The following XPA variants were observed in gnomAD, a reference collection of about 807,000 sequenced individuals.
XPA encodes the protein XPA, DNA damage recognition and repair factor.
A neutral mutation model predicts 35.7 loss-of-function variants in XPA; 27 were observed. The observed-to-expected ratio is 0.76, with a 90% CI of 0.56 to 1.04. XPA has a LOEUF of 1.04. Ranked by LOEUF, XPA falls within the 50% of genes least tolerant of loss-of-function variation. XPA has a pLI of 0.00. For synonymous variants in XPA, 133 were observed against 118.4 expected (o/e 1.12, Z -0.80); for missense variants, 354 against 342.7 (o/e 1.03, Z -0.26).
At chr9:97,665,583 A>C in the XPA span, among the ~76,000 whole-genome samples, 1 of 152,214 alleles carries the variant, frequency 6.6e-6, no homozygotes, top group Non-Finnish European at 1.5e-5. Context: ...CCCCCTCCAG[A>C]GTTAAAGTGC....
intron 5 of XPA, among the ~76,000 whole-genome samples, chr9:97,678,272 A>G (rs938176283): frequency 2.0e-5 from 3 of 152,100 alleles, no homozygotes; most frequent in African/African-American, 7.2e-5. Flanking sequence ...ATGGTGGCAT[A>G]TGCCTGTAAT....
Position 97,687,264 on chromosome 9 carries a change from G to GA in XPA, c.390-4dup. Reference sequence around the variant, plus strand: ...GCTTGTGTTTATCATCAGCATCTCTGAAAACAGATTAAGTCCATTATATAA... The same window carrying GA: ...GCTTGTGTTTATCATCAGCATCTCTGAAAAACAGATTAAGTCCATTATATAA... On this transcript the variant is annotated splice_region_variant and splice_polypyrimidine_tract_variant and intron_variant, in intron 3 of 5. Transcript: ENST00000375128. 1 of 1,601,972 alleles carries GA rather than the reference G, an allele frequency of 6.2e-7. No homozygotes were observed. The highest frequency in any genetic ancestry group is 8.5e-7 in the Non-Finnish European group (1 of 1,174,818).
At chr9:97,677,937 C>A (rs1002441172) in intron 5 of XPA, among the ~76,000 whole-genome samples, 8 of 151,936 alleles carry the variant, frequency 5.3e-5, no homozygotes, top group African/African-American at 1.9e-4. Context: ...ATGGGAGCCA[C>A]CAGGTTTCTC....
chr9:97,673,455 G>A (rs1045778582), downstream of XPA: 3 of 152,160 alleles, frequency 2.0e-5, no homozygotes, highest in African/African-American at 7.2e-5. Context: ...GAAATTTGTA[G>A]GTTTTAATTT....
At chr9:97,655,115 T>G in the XPA span, among the ~76,000 whole-genome samples, 2 of 152,234 alleles carry the variant, frequency 1.3e-5, no homozygotes, top group Non-Finnish European at 2.9e-5. Context: ...CATTACGTTT[T>G]TTGATGTCCA....
the XPA span, chr9:97,655,905 CTT>C: frequency 7.4e-7 from 1 of 1,349,818 alleles, no homozygotes; most frequent in Non-Finnish European, 1.0e-6. Flanking sequence ...GCAATTATAA[CTT>C]AACAAAACTT....
downstream of XPA, chr9:97,673,076 C>G (rs1307731845): frequency 1.3e-5 from 2 of 152,346 alleles, no homozygotes; most frequent in Admixed American, 1.3e-4. Context: ...TTCAGTGAGC[C>G]AAGATTGTGC....
At chr9:97,669,011 CAA>C in the XPA span, 1 of 1,531,414 alleles carries the variant, frequency 6.5e-7, no homozygotes, top group East Asian at 2.3e-5. Flanking sequence ...TAAAAGGAAA[CAA>C]TACATTTCTT....
At chr9:97,662,964 G>A in the XPA span, 2 of 1,611,004 alleles carry the variant, frequency 1.2e-6, no homozygotes, top group Non-Finnish European at 1.7e-6. Flanking sequence ...GTTTCATGAA[G>A]TCTTCAAAAC....
chr9:97,672,395 A>G (rs982053708), downstream of XPA: 4 of 152,190 alleles, frequency 2.6e-5, no homozygotes, highest in Admixed American at 1.3e-4. Context: ...CATACATTTT[A>G]GTGGCTACAG....
chr9:97,694,361 C>T (rs1202164758), intron 1 of XPA, among the ~76,000 whole-genome samples: 3 of 152,178 alleles, frequency 2.0e-5, no homozygotes, highest in Admixed American at 2.0e-4. Context: ...GGAGGTCTAA[C>T]GTATGCATAT....
At chr9:97,677,165 A>T (rs969806325) in intron 5 of XPA, among the ~76,000 whole-genome samples, 3 of 152,176 alleles carry the variant, frequency 2.0e-5, no homozygotes, top group African/African-American at 4.8e-5. Flanking sequence ...TTTGAATATT[A>T]TGTGTACTTA....
chr9:97,696,459 G>C (rs1052320699), intron 1 of XPA, among the ~76,000 whole-genome samples: 1 of 152,116 alleles, frequency 6.6e-6, no homozygotes, highest in African/African-American at 2.4e-5. Context: ...AATCGCAGAG[G>C]TCACATGTCC....
rs1251171116 is a variant in XPA, at chr9:97,675,001, G to T, written c.*438C>A. On this transcript the variant is annotated 3_prime_UTR_variant, in exon 6 of 6. Transcript: ENST00000375128. ...TTCCACCATCGTGGAGACAGAAATC[G>T]TCCTAAAAAACACATGACTAGAACC... 5 of 525,492 alleles carry T rather than the reference G, an allele frequency of 9.5e-6. No homozygotes were observed. The highest frequency in any genetic ancestry group is 7.4e-6 in the Non-Finnish European group (2 of 271,018). The allele number at this position is 525,492 out of a possible 1,614,324, so 32.6% of individuals were successfully genotyped here.
At chr9:97,673,058 G>C (rs1343585670), downstream of XPA, 1 of 152,512 alleles carries the variant, frequency 6.6e-6, no homozygotes, top group Non-Finnish European at 1.5e-5. Flanking sequence ...AACCTGGGAG[G>C]TGGAGGTTTC....
At chr9:97,694,980 C>CA (rs1274163032) in intron 1 of XPA, among the ~76,000 whole-genome samples, 2 of 151,844 alleles carry the variant, frequency 1.3e-5, no homozygotes, top group Non-Finnish European at 1.5e-5. Context: ...CTATGTTGCG[C>CA]AAAAAAAGCC....
At chr9:97,694,721 C>T (rs994108943) in intron 1 of XPA, among the ~76,000 whole-genome samples, 1 of 152,164 alleles carries the variant, frequency 6.6e-6, no homozygotes, top group Non-Finnish European at 1.5e-5. Context: ...CATAACTACA[C>T]CTCTCCTATG....
At chr9:97,657,927 T>TATATA in the XPA span, among the ~76,000 whole-genome samples, 32 of 93,132 alleles carry the variant, frequency 3.4e-4, no homozygotes, top group African/African-American at 7.2e-4. Context: ...TATATATATA[T>TATATA]TTTTTTTTTT....
At chr9:97,665,915 A>T in the XPA span, among the ~76,000 whole-genome samples, 5 of 152,204 alleles carry the variant, frequency 3.3e-5, no homozygotes, top group Non-Finnish European at 7.3e-5. Context: ...ACAATAAATC[A>T]TAAGAGAGGA....
Sources: gnomAD v4.1 joint callset for allele counts (sites outside exome capture counted in the v4.1 genomes callset) on GRCh38, gnomAD v4.1.1 for gene constraint, MANE v1.5 for transcripts, NCBI Gene and HGNC (gene_info 2026-07-23, HGNC 2026-07-21) for gene names.